MITF: variants seen among roughly 807,000 people sequenced by gnomAD.
The protein encoded by MITF is microphthalmia-associated transcription factor.
A neutral mutation model predicts 60.5 loss-of-function variants in MITF; 17 were observed. The ratio of observed to expected loss-of-function variants is 0.28; its 90% CI spans 0.19 to 0.42. MITF has a LOEUF of 0.42. Among genes scored for constraint, MITF ranks in the 10% least tolerant of loss-of-function variants. The pLI, the probability that MITF is intolerant of heterozygous loss-of-function variation, is 1.00. For synonymous variants in MITF, 260 were observed against 248.5 expected, an observed-to-expected ratio of 1.05 and a Z score of -0.43; for missense variants, 622 against 683.5, an observed-to-expected ratio of 0.91 and a Z score of 1.00.
chr3:69,919,509 A>C (rs1262486273), intron 2 of MITF, among the ~76,000 whole-genome samples: 12 of 152,184 alleles, frequency 7.9e-5, no homozygotes, highest in Admixed American at 7.9e-4. Context: ...TAAACCCCCA[A>C]GACAACATTT....
intron 1 of MITF, among the ~76,000 whole-genome samples, chr3:69,831,979 G>T (rs919971950): frequency 6.6e-6 from 1 of 152,142 alleles, no homozygotes. Context: ...CCAGTCTCCC[G>T]GAGCCGGTGC....
At chr3:69,757,999 G>A (rs1313114284) in intron 1 of MITF, among the ~76,000 whole-genome samples, 1 of 29,034 alleles carries the variant, frequency 3.4e-5, no homozygotes, top group East Asian at 1.3e-3. Flanking sequence ...CCTAGGGCAT[G>A]TGTGTGTGTG....
intron 1 of MITF, among the ~76,000 whole-genome samples, chr3:69,867,747 G>C (rs943114126): frequency 4.6e-5 from 7 of 152,110 alleles, no homozygotes; most frequent in African/African-American, 1.7e-4. Flanking sequence ...AATGAAACTT[G>C]CTATTCTGAT....
At chr3:69,818,860 T>C (rs1382268320) in intron 1 of MITF, among the ~76,000 whole-genome samples, 2 of 152,180 alleles carry the variant, frequency 1.3e-5, no homozygotes, top group Admixed American at 1.3e-4. Context: ...AAAGCAATGC[T>C]AGAGTCCCAT....
intron 5 of MITF, among the ~76,000 whole-genome samples, chr3:69,942,502 A>C (rs564326497): frequency 6.6e-6 from 1 of 151,886 alleles, no homozygotes; most frequent in East Asian, 1.9e-4. Context: ...CCAATTCTTC[A>C]AGTTCACTTC....
chr3:69,841,704 G>A (rs1575802069), intron 1 of MITF, among the ~76,000 whole-genome samples: 1 of 152,160 alleles, frequency 6.6e-6, no homozygotes, highest in East Asian at 1.9e-4. Flanking sequence ...TTAAATGATT[G>A]AGTCAATTTG....
intron 5 of MITF, among the ~76,000 whole-genome samples, chr3:69,948,595 A>C (rs2066159787): frequency 6.6e-6 from 1 of 152,154 alleles, no homozygotes; most frequent in Non-Finnish European, 1.5e-5. Context: ...AAAAGTGAGA[A>C]GAAGAGGTGG....
chr3:69,764,075 T>C (rs1204359971), intron 1 of MITF: 6 of 674,006 alleles, frequency 8.9e-6, no homozygotes, highest in Non-Finnish European at 1.1e-5. Flanking sequence ...TTTCTGTTTG[T>C]TTTCGGAAAT....
At chr3:69,912,003 A>C (rs1378448692) in intron 2 of MITF, among the ~76,000 whole-genome samples, 1 of 152,216 alleles carries the variant, frequency 6.6e-6, no homozygotes, top group African/African-American at 2.4e-5. Context: ...ACTGCAGTCA[A>C]CCTAAATGCC....
chr3:69,872,830 G>A (rs935204421), intron 1 of MITF, among the ~76,000 whole-genome samples: 1 of 152,132 alleles, frequency 6.6e-6, no homozygotes, highest in Admixed American at 6.5e-5. Flanking sequence ...GTGTGTGATT[G>A]GTGGTTCTTA....
At chr3:69,866,314 G>A in intron 1 of MITF, 2 of 1,613,798 alleles carry the variant, frequency 1.2e-6, no homozygotes, top group Non-Finnish European at 1.7e-6. Context: ...GAGTTCAGAT[G>A]TTCATGCCAT....
intron 1 of MITF, among the ~76,000 whole-genome samples, chr3:69,823,834 C>T (rs1271864481): frequency 1.3e-5 from 2 of 152,166 alleles, no homozygotes; most frequent in South Asian, 2.1e-4. Context: ...CTCTCCTAAG[C>T]ATACTGAGTG....
intron 9 of MITF, among the ~76,000 whole-genome samples, chr3:69,962,804 G>A (rs138077577): frequency 1.2e-3 from 179 of 152,226 alleles, no homozygotes; most frequent in African/African-American, 4.2e-3. Flanking sequence ...GGGGAATCAA[G>A]GGTATTTAGG....
intron 1 of MITF, 113 bp downstream of exon 1, chr3:69,739,814 C>G: frequency 1.3e-6 from 1 of 780,950 alleles, no homozygotes; most frequent in Non-Finnish European, 2.2e-6. Flanking sequence ...ACCCAGTGCC[C>G]TTGCCCCGGA....
intron 2 of MITF, among the ~76,000 whole-genome samples, chr3:69,904,893 G>A (rs934476465): frequency 2.0e-5 from 3 of 152,172 alleles, no homozygotes; most frequent in Admixed American, 6.5e-5. Flanking sequence ...GTGAGATGAT[G>A]CATATTGTTG....
chr3:69,883,586 G>A (rs958415527), intron 2 of MITF, among the ~76,000 whole-genome samples: 10 of 152,080 alleles, frequency 6.6e-5, no homozygotes, highest in African/African-American at 2.4e-4. Context: ...TGGATTGGTG[G>A]GCTACAGATT....
intron 8 of MITF, 81 bp downstream of exon 8, chr3:69,956,611 G>A: frequency 1.7e-6 from 2 of 1,184,130 alleles, no homozygotes; most frequent in Non-Finnish European, 2.5e-6. Flanking sequence ...AAATGCAGTT[G>A]TAAAAACTAA....
At chr3:69,891,787 A>G (rs2064765247) in intron 2 of MITF, among the ~76,000 whole-genome samples, 1 of 152,226 alleles carries the variant, frequency 6.6e-6, no homozygotes, top group Non-Finnish European at 1.5e-5. Context: ...GAGGAGTAAG[A>G]CAGGCAAAGG....
At chr3:69,868,632 G>A (rs959685280) in intron 1 of MITF, among the ~76,000 whole-genome samples, 1 of 152,094 alleles carries the variant, frequency 6.6e-6, no homozygotes, top group Admixed American at 6.6e-5. Flanking sequence ...TGGGCGCGGT[G>A]GCTCACGCCT....
Sources: gnomAD v4.1 joint callset for allele counts (sites outside exome capture counted in the v4.1 genomes callset) on GRCh38, gnomAD v4.1.1 for gene constraint, MANE v1.5 for transcripts, NCBI Gene and HGNC (gene_info 2026-07-23, HGNC 2026-07-21) for gene names.